AGBL4: variants seen among roughly 807,000 people sequenced by gnomAD.
AGBL4 encodes the protein cytosolic carboxypeptidase 6.
In AGBL4, 58 loss-of-function variants were observed where a neutral mutation model predicts 66.4. The ratio of observed to expected loss-of-function variants is 0.87; its 90% CI spans 0.71 to 1.09. AGBL4 has a LOEUF of 1.09. Ranked by LOEUF, AGBL4 falls within the 50% of genes least tolerant of loss-of-function variation. AGBL4 has a pLI of 0.00. For missense variants in AGBL4, 579 were observed against 631.0 expected, an observed-to-expected ratio of 0.92 and a Z score of 0.88; for synonymous variants, 234 against 222.9, an observed-to-expected ratio of 1.05 and a Z score of -0.44.
At chr1:49,950,137 T>A (rs12748867) in intron 1 of AGBL4, among the ~76,000 whole-genome samples, 1 of 143,620 alleles carries the variant, frequency 7.0e-6, no homozygotes, top group Non-Finnish European at 1.5e-5. Flanking sequence ...TGTATATATA[T>A]ACACATATGT....
Position 48,539,683 on chromosome 1 carries a change from G to T in AGBL4, c.1323C>A (p.Asn441Lys), listed in dbSNP as rs749596191. ...ARTFLDYYRL[N>K]PVVEKVAIPM... The stretch of plus-strand genomic sequence containing the variant: ...GAATTGCCACCTTTTCAACCACGGG[G>T]TTCAGCCGATAATAGTCCAAAAAGG... The change falls in exon 12 of 14, where the codon AAC becomes AAA. Residue 441 changes from asparagine to lysine, a missense_variant. By Grantham distance (94) the Asn-to-Lys change is moderately conservative. Transcript: ENST00000371839. The T allele has an allele frequency of 1.3e-6, 2 of 1,543,038 alleles. No individual in the cohort carries two copies. Among genetic ancestry groups the T allele is most frequent in the South Asian group, 2.4e-5 (2 of 82,938 alleles).
chr1:49,568,525 A>G (rs2148866827), intron 3 of AGBL4, among the ~76,000 whole-genome samples: 1 of 151,370 alleles, frequency 6.6e-6, no homozygotes, highest in South Asian at 2.1e-4. Flanking sequence ...ACACACACAA[A>G]TGCCATGCTC....
chr1:49,409,136 C>T (rs917624630), intron 3 of AGBL4, among the ~76,000 whole-genome samples: 2 of 143,138 alleles, frequency 1.4e-5, no homozygotes, highest in African/African-American at 5.2e-5. Flanking sequence ...TCCATCAAAC[C>T]CCACTCTCTC....
chr1:48,927,136 G>C (rs1654647142), intron 5 of AGBL4, among the ~76,000 whole-genome samples: 1 of 152,130 alleles, frequency 6.6e-6, no homozygotes, highest in South Asian at 2.1e-4. Flanking sequence ...CAGCCACAAG[G>C]AACAGGGAAG....
At chr1:49,838,004 C>T (rs1645895988) in intron 2 of AGBL4, among the ~76,000 whole-genome samples, 1 of 152,176 alleles carries the variant, frequency 6.6e-6, no homozygotes, top group Non-Finnish European at 1.5e-5. Flanking sequence ...TTGCCCTCAA[C>T]ATTCAGGAAT....
intron 3 of AGBL4, among the ~76,000 whole-genome samples, chr1:49,342,070 A>G (rs753817165): frequency 4.6e-5 from 7 of 152,126 alleles, no homozygotes; most frequent in South Asian, 2.1e-4. Context: ...CTGATCAGCA[A>G]TGGGACAGGT....
intron 3 of AGBL4, among the ~76,000 whole-genome samples, chr1:49,294,678 A>G (rs1015737229): frequency 2.0e-5 from 3 of 152,210 alleles, no homozygotes; most frequent in African/African-American, 7.2e-5. Context: ...TATTTCTGCC[A>G]GATCTGGCTC....
chr1:49,365,576 CTT>C (rs1314705713), intron 3 of AGBL4, among the ~76,000 whole-genome samples: 3 of 150,568 alleles, frequency 2.0e-5, no homozygotes, highest in African/African-American at 4.9e-5. Flanking sequence ...ATGATAATGA[CTT>C]ATTATTATCA....
intron 6 of AGBL4, among the ~76,000 whole-genome samples, chr1:48,834,950 C>T (rs1210843323): frequency 1.3e-5 from 2 of 152,106 alleles, no homozygotes; most frequent in Non-Finnish European, 2.9e-5. Flanking sequence ...GCTTTCTTTA[C>T]CAGCCTTGTG....
At chr1:48,534,788 C>T (rs1019503492) in intron 13 of AGBL4, 102 bp downstream of exon 13, 1 of 1,254,164 alleles carries the variant, frequency 8.0e-7, no homozygotes, top group Non-Finnish European at 1.1e-6. Context: ...ATTGAAGAGC[C>T]TTGCTAACAT....
At chr1:49,371,900 G>A (rs1644354814) in intron 3 of AGBL4, among the ~76,000 whole-genome samples, 1 of 151,112 alleles carries the variant, frequency 6.6e-6, no homozygotes, top group South Asian at 2.1e-4. Flanking sequence ...AACCCTGATG[G>A]TGTCTCAGAC....
chr1:49,934,973 C>G (rs934559726), intron 1 of AGBL4, among the ~76,000 whole-genome samples: 41 of 152,220 alleles, frequency 2.7e-4, no homozygotes, highest in Non-Finnish European at 4.4e-5. Context: ...GAGTGCCAGA[C>G]AGTGGGCACA....
intron 6 of AGBL4, among the ~76,000 whole-genome samples, chr1:48,782,618 A>G (rs901062311): frequency 3.3e-5 from 5 of 152,266 alleles, no homozygotes; most frequent in Non-Finnish European, 5.9e-5. Context: ...GACTTTTTAA[A>G]TAGTAGTTTT....
intron 4 of AGBL4, among the ~76,000 whole-genome samples, chr1:49,168,035 G>A (rs1646665065): frequency 6.6e-6 from 1 of 152,180 alleles, no homozygotes. Context: ...ATAATTTTAA[G>A]TGTATGGGAG....
intron 6 of AGBL4, among the ~76,000 whole-genome samples, chr1:48,702,336 G>A (rs1314708047): frequency 6.6e-6 from 1 of 151,794 alleles, no homozygotes; most frequent in African/African-American, 2.4e-5. Context: ...CTGTTGCCCA[G>A]GCTGGAGTGC....
chr1:48,816,100 A>AAG (rs1646171427), intron 6 of AGBL4, among the ~76,000 whole-genome samples: 1 of 127,046 alleles, frequency 7.9e-6, no homozygotes, highest in Admixed American at 7.7e-5. Flanking sequence ...TGTAGAGAGA[A>AAG]AGAGAGAGAG....
In AGBL4 at chr1:49,124,459, C is replaced by A. The variant is rs76786909; in HGVS notation, c.378-78659G>T. On this transcript the variant is annotated intron_variant, in intron 4 of 13. Transcript: ENST00000371839. ...TATTGGATAATTAACTCCACCCACACGAGCATGCTACATTTGCCAACCCTG... is the reference window on the plus strand; with the variant it reads ...TATTGGATAATTAACTCCACCCACAAGAGCATGCTACATTTGCCAACCCTG... Among the ~76,000 whole-genome samples the A allele has an allele frequency of 3.9e-5, 6 of 152,304 alleles. No homozygotes were observed. The East Asian group carries it at 1.2e-3, about 29-fold the overall frequency.
intron 1 of AGBL4, among the ~76,000 whole-genome samples, chr1:49,856,082 A>G (rs1297778782): frequency 1.3e-5 from 2 of 152,108 alleles, no homozygotes. Context: ...ATAGAAATAC[A>G]AAGGACCACT....
At chr1:49,562,304 T>G (rs1644069353) in intron 3 of AGBL4, among the ~76,000 whole-genome samples, 1 of 152,274 alleles carries the variant, frequency 6.6e-6, no homozygotes, top group Non-Finnish European at 1.5e-5. Context: ...CAGAAGCTCT[T>G]TAGTTTAATT....
Sources: gnomAD v4.1 joint callset for allele counts (sites outside exome capture counted in the v4.1 genomes callset) on GRCh38, gnomAD v4.1.1 for gene constraint, MANE v1.5 for transcripts, NCBI Gene and HGNC (gene_info 2026-07-23, HGNC 2026-07-21) for gene names.